Variants in OSBPL1A observed in about 807,000 individuals in gnomAD.
The protein encoded by OSBPL1A is oxysterol-binding protein-related protein 1.
A neutral mutation model predicts 137.1 loss-of-function variants in OSBPL1A; 80 were observed. The observed-to-expected ratio is 0.58, with a 90% CI of 0.49 to 0.70. The LOEUF is 0.70. Among genes scored for constraint, OSBPL1A ranks in the 30% least tolerant of loss-of-function variants. The pLI is 0.00. For missense variants in OSBPL1A, 970 were observed against 1,129.4 expected, an observed-to-expected ratio of 0.86 and a Z score of 2.02; for synonymous variants, 365 against 389.7, an observed-to-expected ratio of 0.94 and a Z score of 0.75.
At chr18:24,250,319 G>A (rs571749343) in intron 15 of OSBPL1A, among the ~76,000 whole-genome samples, 1 of 152,274 alleles carries the variant, frequency 6.6e-6, no homozygotes, top group South Asian at 2.1e-4. Context: ...TGGAATTACA[G>A]GTGCACGCTA....
intron 21 of OSBPL1A, among the ~76,000 whole-genome samples, chr18:24,173,888 T>C (rs2086358626): frequency 1.3e-5 from 2 of 152,214 alleles, no homozygotes; most frequent in African/African-American, 4.8e-5. Context: ...TAGTCAAACC[T>C]TTCTCCACTC....
At chr18:24,298,096 C>T (rs776397956) in intron 14 of OSBPL1A, among the ~76,000 whole-genome samples, 2 of 152,182 alleles carry the variant, frequency 1.3e-5, no homozygotes, top group African/African-American at 2.4e-5. Context: ...AAACTGGTGA[C>T]TAGAGTGACC....
intron 14 of OSBPL1A, among the ~76,000 whole-genome samples, chr18:24,302,904 G>A (rs932371465): frequency 1.3e-5 from 2 of 152,108 alleles, no homozygotes; most frequent in African/African-American, 2.4e-5. Context: ...ACTGAAGCTC[G>A]CAAGAGTTAA....
At chr18:24,315,799 G>C (rs1408383690) in intron 11 of OSBPL1A, among the ~76,000 whole-genome samples, 7 of 67,782 alleles carry the variant, frequency 1.0e-4, no homozygotes, top group African/African-American at 1.5e-4. Context: ...ATAATATATA[G>C]TATATATTAT....
At chr18:24,393,185 T>C (rs923049088) in intron 1 of OSBPL1A, among the ~76,000 whole-genome samples, 3 of 152,280 alleles carry the variant, frequency 2.0e-5, no homozygotes, top group African/African-American at 4.8e-5. Context: ...TATGTACATG[T>C]GTATACATTA....
In OSBPL1A at chr18:24,179,774, A is replaced by G; in HGVS notation, c.1874T>C (p.Phe625Ser). The G allele has an allele frequency of 6.2e-7, 1 of 1,614,216 alleles. No homozygotes were observed. The highest frequency in any genetic ancestry group is 8.5e-7 in the Non-Finnish European group (1 of 1,180,034). Reference sequence around the variant, plus strand: ...ATAAGTCTCTCCCAGCAGTGGGTTGAAAGGTTTTCCAGTCCGTTCCCACTG... The same window carrying G: ...ATAAGTCTCTCCCAGCAGTGGGTTGGAAGGTTTTCCAGTCCGTTCCCACTG... ...ASQWERTGKP[F>S]NPLLGETYEL... is the part of the protein sequence containing the mutation. The change falls in exon 20 of 28, where the codon TTC becomes TCC. Residue 625 changes from phenylalanine (F) to serine (S), a missense_variant. By Grantham distance (155) the Phe-to-Ser change is radical. Transcript: ENST00000319481.
rs200624581 is a variant in OSBPL1A at position 24,293,125 on chromosome 18, A to AAAAAAAAAAAAAAAAAAG, written c.1174+10511_1174+10512insCTTTTTTTTTTTTTTTTT. On this transcript the variant is annotated intron_variant, in intron 14 of 27. Transcript: ENST00000319481. ...GTCTCAAAAAAAAAAAAAAAAAAAAAAAAGAAAAGAAAAGAAAAAATTAAA... is the reference window on the plus strand; with the variant it reads ...GTCTCAAAAAAAAAAAAAAAAAAAAAAAAAAAAAAAAAAAAAAGAAAGAAAAGAAAAGAAAAAATTAAA... Among the ~76,000 whole-genome samples the AAAAAAAAAAAAAAAAAAG allele has an allele frequency of 1.6e-3, 132 of 81,980 alleles. 5 individuals carry two copies. Among genetic ancestry groups the AAAAAAAAAAAAAAAAAAG allele is most frequent in the Non-Finnish European group, 2.9e-3 (103 of 34,948 alleles). The allele number at this position is 81,980 out of a possible 152,430, so 53.8% of individuals were successfully genotyped here.
intron 24 of OSBPL1A, among the ~76,000 whole-genome samples, chr18:24,169,427 A>G (rs2086220310): frequency 6.6e-6 from 1 of 152,252 alleles, no homozygotes; most frequent in African/African-American, 2.4e-5. Context: ...GATGATGCTC[A>G]AGATGCCAGT....
chr18:24,219,950 G>A (rs947809037), intron 17 of OSBPL1A, among the ~76,000 whole-genome samples: 1 of 152,192 alleles, frequency 6.6e-6, no homozygotes, highest in South Asian at 2.1e-4. Flanking sequence ...TTTCAAATTG[G>A]AGCCCTATTC....
At chr18:24,250,082 G>A (rs911381597) in intron 15 of OSBPL1A, among the ~76,000 whole-genome samples, 3 of 152,184 alleles carry the variant, frequency 2.0e-5, no homozygotes, top group African/African-American at 7.2e-5. Flanking sequence ...GCCAGCCATA[G>A]CAAGATAGGA....
chr18:24,314,447 A>G (rs2090680916), intron 11 of OSBPL1A, 100 bp from the exon 12 acceptor site: 1 of 738,536 alleles, frequency 1.4e-6, no homozygotes, highest in Non-Finnish European at 2.2e-6. Context: ...TGACTTAACG[A>G]TACCCAGTTG....
chr18:24,173,274 G>C (rs935291438), intron 21 of OSBPL1A, among the ~76,000 whole-genome samples: 2 of 151,968 alleles, frequency 1.3e-5, no homozygotes, highest in African/African-American at 4.8e-5. Flanking sequence ...GGAGGGAGAG[G>C]ATCAGAAAAA....
chr18:24,316,799 T>C (rs2090743874), intron 11 of OSBPL1A, among the ~76,000 whole-genome samples: 1 of 152,044 alleles, frequency 6.6e-6, no homozygotes, highest in South Asian at 2.1e-4. Flanking sequence ...CCAACAACAA[T>C]AGCAAAACAA....
intron 14 of OSBPL1A, among the ~76,000 whole-genome samples, chr18:24,297,554 C>T (rs2090315257): frequency 6.6e-6 from 1 of 152,206 alleles, no homozygotes; most frequent in South Asian, 2.1e-4. Flanking sequence ...CCTCTTAGCA[C>T]TGCTTTTGCT....
chr18:24,253,164 T>G (rs866034720), intron 15 of OSBPL1A, among the ~76,000 whole-genome samples: 150 of 58,012 alleles, frequency 2.6e-3, no homozygotes, highest in South Asian at 5.2e-3. Flanking sequence ...TGAAAAGACA[T>G]GGCGGGGGGG....
At position 24,271,154 on chromosome 18, in the gene OSBPL1A, T is replaced by C. The variant is rs2089708476; in HGVS notation, c.1281+9688A>G. Among the ~76,000 whole-genome samples the C allele has an allele frequency of 6.6e-6, 1 of 152,242 alleles. No homozygotes were observed. The highest frequency in any genetic ancestry group is 2.1e-4 in the South Asian group (1 of 4,832). ...TCCCTTTCTCTCCTTAATCCGCTCA[T>C]GCACTTCTCGTATTCTTGGAATTTC... On this transcript the variant is annotated intron_variant, in intron 15 of 27. Transcript: ENST00000319481. The surrounding 1 kb of genome is among the most constrained non-coding windows in gnomAD (Gnocchi z 4.0).
intron 3 of OSBPL1A, 136 bp downstream of exon 3, chr18:24,368,151 T>C (rs1320500009): frequency 5.7e-6 from 3 of 525,842 alleles, no homozygotes; most frequent in African/African-American, 5.7e-5. Context: ...TAAAGAACAA[T>C]TAAGTGTCTT....
At chr18:24,393,023 G>T (rs938766294) in intron 1 of OSBPL1A, among the ~76,000 whole-genome samples, 1 of 152,046 alleles carries the variant, frequency 6.6e-6, no homozygotes, top group African/African-American at 2.4e-5. Flanking sequence ...GTTTTCTCCT[G>T]ACGTTATATT....
At chr18:24,335,418 G>C (rs897860205) in intron 5 of OSBPL1A, among the ~76,000 whole-genome samples, 20 of 152,174 alleles carry the variant, frequency 1.3e-4, no homozygotes, top group African/African-American at 3.9e-4. Context: ...GCTAGTTCCA[G>C]AGTCCATGCT....
Sources: allele counts gnomAD v4.1 joint callset (sites outside exome capture counted in the v4.1 genomes callset), GRCh38; gene constraint gnomAD v4.1.1; non-coding constraint Gnocchi (gnomAD v3.1); transcripts MANE v1.5; gene names NCBI Gene and HGNC (gene_info 2026-07-23, HGNC 2026-07-21).